Variants in FBN2 observed in about 807,000 individuals in gnomAD.
The protein encoded by FBN2 is fibrillin-2.
Under a neutral mutation model 355.6 loss-of-function variants are expected in FBN2, and 105 were observed. That is an observed-to-expected ratio of 0.30 (90% CI 0.25 to 0.35). The LOEUF (loss-of-function observed/expected upper bound fraction) is 0.35. Ranked by LOEUF, FBN2 falls within the 10% of genes least tolerant of loss-of-function variation. FBN2 has a pLI of 1.00. For synonymous variants in FBN2, 1,350 were observed against 1,301.2 expected, an observed-to-expected ratio of 1.04 and a Z score of -0.81; for missense variants, 3,280 against 3,758.7, an observed-to-expected ratio of 0.87 and a Z score of 3.33.
chr5:128,499,899 T>C (rs1294020413), intron 5 of FBN2, among the ~76,000 whole-genome samples: 1 of 152,152 alleles, frequency 6.6e-6, no homozygotes, highest in Admixed American at 6.5e-5. Flanking sequence ...GCTTTGCCCA[T>C]ATGCAAAAAG....
chr5:128,467,144 C>T (rs1754735852), intron 5 of FBN2, among the ~76,000 whole-genome samples: 1 of 152,070 alleles, frequency 6.6e-6, no homozygotes, highest in Non-Finnish European at 1.5e-5. Flanking sequence ...ATTCCTTCTT[C>T]TAACTACACC....
intron 5 of FBN2, 27 bp downstream of exon 5, chr5:128,519,246 A>C: frequency 6.7e-7 from 1 of 1,486,012 alleles, no homozygotes; most frequent in Non-Finnish European, 9.4e-7. Flanking sequence ...ACTTCTTCAG[A>C]AAGTAAAGTC....
intron 28 of FBN2, 152 bp from the exon 29 acceptor site, chr5:128,335,729 A>G: frequency 1.9e-6 from 2 of 1,048,668 alleles, no homozygotes; most frequent in Admixed American, 1.8e-5. Context: ...TTTCACCTTC[A>G]TTTTAGGCAG....
At position 128,350,923 on chromosome 5, in the gene FBN2, T is replaced by A. The variant is rs889899641; in HGVS notation, c.2757A>T (p.Glu919Asp). The change falls in exon 21 of 65, where the codon GAA becomes GAT. Residue 919 changes from glutamate (E) to aspartate (D), a missense_variant. Coordinates refer to ENST00000262464, the MANE Select transcript of FBN2 (RefSeq NM_001999.4). ...VNINGATLKS[E>D]CCATLGAAWG... Reference sequence around the variant, plus strand: ...AGGCGGCTCCGAGGGTGGCACAGCATTCAGATTTCAGAGTGGCTCCATTAA... The same window carrying A: ...AGGCGGCTCCGAGGGTGGCACAGCAATCAGATTTCAGAGTGGCTCCATTAA... 1 of 1,614,014 alleles carries A rather than the reference T, an allele frequency of 6.2e-7. No individual in the cohort carries two copies. Among genetic ancestry groups the A allele is most frequent in the Non-Finnish European group, 8.5e-7 (1 of 1,180,016 alleles).
intron 7 of FBN2, among the ~76,000 whole-genome samples, chr5:128,412,851 A>G (rs1753107254): frequency 6.6e-6 from 1 of 152,248 alleles, no homozygotes; most frequent in South Asian, 2.1e-4. Flanking sequence ...GACAGATGAT[A>G]TAATAGTCCA....
chr5:128,418,769 T>C (rs1051912221), intron 7 of FBN2, among the ~76,000 whole-genome samples: 1 of 152,196 alleles, frequency 6.6e-6, no homozygotes, highest in Non-Finnish European at 1.5e-5. Context: ...TTGAGACTTG[T>C]TCTGTGACCT....
chr5:128,527,821 T>C, intron 4 of FBN2, 51 bp downstream of exon 4: 1 of 1,273,840 alleles, frequency 7.9e-7, no homozygotes, highest in Non-Finnish European at 1.1e-6. Flanking sequence ...TATAACTTAA[T>C]ATGAAATATC....
intron 7 of FBN2, among the ~76,000 whole-genome samples, chr5:128,410,453 A>G (rs546920877): frequency 3.3e-5 from 5 of 152,328 alleles, no homozygotes; most frequent in South Asian, 2.1e-4. Context: ...AAAAGTGAAG[A>G]ACTAAAACTT....
At chr5:128,523,524 G>A (rs1468430230) in intron 4 of FBN2, among the ~76,000 whole-genome samples, 2 of 151,890 alleles carry the variant, frequency 1.3e-5, no homozygotes, top group African/African-American at 2.4e-5. Flanking sequence ...TAATAATTCG[G>A]TCTATACGGT....
chr5:128,271,206 A>G (rs1428211592), intron 62 of FBN2, among the ~76,000 whole-genome samples: 1 of 152,230 alleles, frequency 6.6e-6, no homozygotes, highest in Admixed American at 6.5e-5. Flanking sequence ...TTGAATTACT[A>G]CACAGAAACA....
At chr5:128,351,665 C>T (rs535192074) in intron 20 of FBN2, among the ~76,000 whole-genome samples, 2 of 151,988 alleles carry the variant, frequency 1.3e-5, no homozygotes, top group East Asian at 1.9e-4. Context: ...GTATCTCTCT[C>T]ACATAATATG....
chr5:128,284,430 G>A (rs903950294), intron 55 of FBN2, among the ~76,000 whole-genome samples: 1 of 152,056 alleles, frequency 6.6e-6, no homozygotes, highest in African/African-American at 2.4e-5. Context: ...CTTTTCCATG[G>A]TATTTGCCTA....
rs374242937 is a variant in FBN2, at chr5:128,350,020, G to T, written c.2813-15C>A. ...GCAAGCTGTATCTGTAACAACAACA[G>T]GACAAATTTTACTTCATTATAGAAT... On this transcript the variant is annotated splice_polypyrimidine_tract_variant and intron_variant, in intron 21 of 64. Coordinates refer to ENST00000262464, the MANE Select transcript of FBN2 (RefSeq NM_001999.4). The T allele has an allele frequency of 6.2e-7, 1 of 1,609,782 alleles. No homozygotes were observed. The highest frequency in any genetic ancestry group is 1.3e-5 in the African/African-American group (1 of 74,824).
At chr5:128,395,365 G>A (rs1181343669) in intron 8 of FBN2, 91 bp from the exon 9 acceptor site, 1 of 1,329,372 alleles carries the variant, frequency 7.5e-7, no homozygotes. Flanking sequence ...TAGGTGAAGT[G>A]ACTCATACCA....
At chr5:128,387,424 C>T (rs547973333) in intron 11 of FBN2, among the ~76,000 whole-genome samples, 44 of 152,100 alleles carry the variant, frequency 2.9e-4, no homozygotes, top group African/African-American at 7.9e-4. Flanking sequence ...CTTTAGGTTT[C>T]GTTGATGTTT....
rs1751340678 is a variant in FBN2, at chr5:128,350,979, T to C, written c.2701A>G (p.Asn901Asp). 1 of 1,614,182 alleles carries C rather than the reference T, an allele frequency of 6.2e-7. No homozygotes were observed. Among genetic ancestry groups the C allele is most frequent in the Non-Finnish European group, 8.5e-7 (1 of 1,180,030 alleles). Reference sequence around the variant, plus strand: ...ACCTCACAGCGGCTGTCCTGGATGTTGAGCCAACAGGTCCCCTTCAGGCTG... The same window carrying C: ...ACCTCACAGCGGCTGTCCTGGATGTCGAGCCAACAGGTCCCCTTCAGGCTG... ...IDSLKGTCWLNIQDSRCEVNI... is the reference protein window; with the variant it reads ...IDSLKGTCWLDIQDSRCEVNI... The change falls in exon 21 of 65, where the codon AAC (asparagine) becomes GAC (aspartate). Residue 901 changes from asparagine to aspartate, a missense_variant. By Grantham distance (23) the Asn-to-Asp change is conservative (BLOSUM62 1). Transcript: ENST00000262464.
intron 8 of FBN2, among the ~76,000 whole-genome samples, chr5:128,400,582 A>G (rs1156743710): frequency 2.0e-5 from 3 of 152,230 alleles, no homozygotes; most frequent in Admixed American, 1.3e-4. Flanking sequence ...TCAAGTCCAT[A>G]GGGAAGATTT....
At chr5:128,374,855 CTT>C in intron 14 of FBN2, 105 bp from the exon 15 acceptor site, 3 of 1,230,614 alleles carry the variant, frequency 2.4e-6, no homozygotes, top group Non-Finnish European at 3.5e-6. Flanking sequence ...TTGTTTATAA[CTT>C]TATAATTTGT....
At chr5:128,525,828 TACTC>T (rs1327923203) in intron 4 of FBN2, among the ~76,000 whole-genome samples, 2 of 152,272 alleles carry the variant, frequency 1.3e-5, no homozygotes, top group East Asian at 3.9e-4. Flanking sequence ...AAAGAAATAA[TACTC>T]AGTCACAAGT....
Sources: gnomAD v4.1 joint callset for allele counts (sites outside exome capture counted in the v4.1 genomes callset) on GRCh38, gnomAD v4.1.1 for gene constraint, MANE v1.5 for transcripts, NCBI Gene and HGNC (gene_info 2026-07-23, HGNC 2026-07-21) for gene names.